Variants in STRN observed in about 807,000 individuals in gnomAD.
The protein encoded by STRN is striatin, also known as protein phosphatase 2 regulatory subunit B'''alpha.
A neutral mutation model predicts 96.3 loss-of-function variants in STRN; 53 were observed. The ratio of observed to expected loss-of-function variants is 0.55; its 90% CI spans 0.44 to 0.69. The LOEUF (loss-of-function observed/expected upper bound fraction) is 0.69. Ranked by LOEUF, STRN falls within the 30% of genes least tolerant of loss-of-function variation. STRN has a pLI of 0.00. For missense variants in STRN, 987 were observed against 963.9 expected (o/e 1.02, Z -0.32); for synonymous variants, 428 against 355.9 (o/e 1.20, Z -2.28).
chr2:36,932,972 C>A (rs577754681), intron 1 of STRN, among the ~76,000 whole-genome samples: 2 of 152,136 alleles, frequency 1.3e-5, no homozygotes, highest in South Asian at 2.1e-4. Flanking sequence ...CAGTTAAATT[C>A]CCTCAGCACA....
rs1668085756 is a variant in STRN at position 36,846,657 on chromosome 2, A to C, written c.*2799T>G. The C allele has an allele frequency of 6.6e-6, 1 of 151,640 alleles. No homozygotes were observed. Among genetic ancestry groups the C allele is most frequent in the Admixed American group, 6.6e-5 (1 of 15,182 alleles). 9.4% of individuals were successfully genotyped at this position (151,640 alleles called of 1,614,324 possible). ...TAGTCATAACTAAAATGATTATAAA[A>C]GCGAAATATTTTGCATAACTAAGTA... On this transcript the variant is annotated 3_prime_UTR_variant, in exon 18 of 18. Transcript: ENST00000263918.
chr2:36,858,022 A>T lies in STRN; in HGVS notation c.1671T>A (p.Asp557Glu), dbSNP rs911834677. Residue 557 changes from aspartate to glutamate, a missense_variant and splice_region_variant, in exon 14 of 18, where the codon GAT (aspartate) becomes GAA (glutamate). By Grantham distance (45) the Asp-to-Glu change is conservative (BLOSUM62 2). Coordinates refer to ENST00000263918, the MANE Select transcript of STRN (RefSeq NM_003162.4). ...GCAGAGGGCCTCGTAAAACAGAAGG[A>T]TCTATACAAAACAGTAAAAATGCAA... ...NPNIDPYDSYDPSVLRGPLLG... is the reference protein window; with the variant it reads ...NPNIDPYDSYEPSVLRGPLLG... The T allele has an allele frequency of 6.3e-7, 1 of 1,587,394 alleles. No individual in the cohort carries two copies. The highest frequency in any genetic ancestry group is 8.6e-7 in the Non-Finnish European group (1 of 1,164,720).
At chr2:36,854,445 GAA>G (rs1668294938) in intron 15 of STRN, among the ~76,000 whole-genome samples, 2 of 152,132 alleles carry the variant, frequency 1.3e-5, no homozygotes, top group African/African-American at 4.8e-5. Context: ...GTTAGGAAGG[GAA>G]AATGATGAAA....
intron 4 of STRN, among the ~76,000 whole-genome samples, chr2:36,904,731 C>T (rs539210417): frequency 6.6e-6 from 1 of 152,130 alleles, no homozygotes; most frequent in African/African-American, 2.4e-5. Context: ...GGGAGGCTGA[C>T]GCAAGAGAAT....
chr2:36,864,371 C>G (rs533595852), intron 12 of STRN, among the ~76,000 whole-genome samples: 2 of 152,082 alleles, frequency 1.3e-5, no homozygotes, highest in Non-Finnish European at 1.5e-5. Flanking sequence ...TGAAGTGATG[C>G]TGAATTTTAT....
chr2:36,908,716 G>A (rs997388682), intron 3 of STRN, among the ~76,000 whole-genome samples: 4 of 152,158 alleles, frequency 2.6e-5, no homozygotes, highest in African/African-American at 9.7e-5. Context: ...GCTCATGCCT[G>A]TAATACCAGC....
intron 10 of STRN, among the ~76,000 whole-genome samples, chr2:36,870,018 T>C (rs1034408774): frequency 2.0e-5 from 3 of 152,134 alleles, no homozygotes; most frequent in Admixed American, 2.0e-4. Flanking sequence ...GGATGATAAA[T>C]AATACCAAGT....
At chr2:36,890,012 T>G (rs1669345868) in intron 7 of STRN, among the ~76,000 whole-genome samples, 1 of 152,222 alleles carries the variant, frequency 6.6e-6, no homozygotes, top group East Asian at 1.9e-4. Context: ...GCAGCTGTCC[T>G]CGGAGAAAAA....
intron 4 of STRN, among the ~76,000 whole-genome samples, chr2:36,904,890 A>C (rs1367701160): frequency 6.6e-6 from 1 of 152,246 alleles, no homozygotes; most frequent in Non-Finnish European, 1.5e-5. Context: ...AATATTTGCA[A>C]ATTTGGAGAA....
At chr2:36,904,226 T>C (rs1198714501) in intron 4 of STRN, among the ~76,000 whole-genome samples, 1 of 152,230 alleles carries the variant, frequency 6.6e-6, no homozygotes, top group Non-Finnish European at 1.5e-5. Flanking sequence ...AAATATCTCA[T>C]TTTCTTGTAA....
intron 13 of STRN, among the ~76,000 whole-genome samples, chr2:36,859,906 C>T (rs1668434086): frequency 6.6e-6 from 1 of 152,020 alleles, no homozygotes; most frequent in Non-Finnish European, 1.5e-5. Flanking sequence ...AGTGTTGTAG[C>T]CAGAAGCCAG....
At chr2:36,929,911 T>C (rs1012972972) in intron 1 of STRN, among the ~76,000 whole-genome samples, 5 of 152,218 alleles carry the variant, frequency 3.3e-5, no homozygotes, top group Admixed American at 6.5e-5. Context: ...TTCTCATCTT[T>C]TGATTTGAAC....
intron 5 of STRN, among the ~76,000 whole-genome samples, chr2:36,900,728 A>C (rs1172435994): frequency 6.6e-6 from 1 of 152,056 alleles, no homozygotes; most frequent in African/African-American, 2.4e-5. Flanking sequence ...CTCCATCTCT[A>C]CTAAAAATAC....
chr2:36,901,305 T>C (rs1028291645), intron 5 of STRN, among the ~76,000 whole-genome samples: 7 of 152,072 alleles, frequency 4.6e-5, no homozygotes, highest in African/African-American at 9.7e-5. Flanking sequence ...GTAATCCCAG[T>C]ACTTCAGGAG....
At chr2:36,892,925 C>A (rs1191505973) in intron 7 of STRN, among the ~76,000 whole-genome samples, 2 of 152,068 alleles carry the variant, frequency 1.3e-5, no homozygotes, top group Admixed American at 6.5e-5. Context: ...GAGGCTGAGG[C>A]ATGAGAATTG....
At chr2:36,902,960 G>T in intron 4 of STRN, 1 of 344,850 alleles carries the variant, frequency 2.9e-6, no homozygotes, top group Non-Finnish European at 5.2e-6. Context: ...TGAGAAAAAT[G>T]AGAGAACTAT....
intron 10 of STRN, 81 bp from the exon 11 acceptor site, chr2:36,869,810 G>T: frequency 1.7e-6 from 2 of 1,160,916 alleles, no homozygotes; most frequent in Non-Finnish European, 2.3e-6. Context: ...ATTAATTCTT[G>T]CTGATGTGTC....
At chr2:36,886,916 T>A (rs1362411938) in intron 7 of STRN, 90 bp from the exon 8 acceptor site, 2 of 963,306 alleles carry the variant, frequency 2.1e-6, no homozygotes, top group East Asian at 2.6e-5. Flanking sequence ...ACAACCACTT[T>A]CTTTATAGTA....
chr2:36,923,225 G>A (rs1333163376), intron 2 of STRN, among the ~76,000 whole-genome samples: 1 of 151,862 alleles, frequency 6.6e-6, no homozygotes. Flanking sequence ...TGAGATGGTG[G>A]ATTACCTGAG....
Sources: allele counts gnomAD v4.1 joint callset (sites outside exome capture counted in the v4.1 genomes callset), GRCh38; gene constraint gnomAD v4.1.1; transcripts MANE v1.5; gene names NCBI Gene and HGNC (gene_info 2026-07-23, HGNC 2026-07-21).